Variants in ABCA13 observed in about 807,000 individuals in gnomAD.
ABCA13 encodes ATP-binding cassette sub-family A member 13.
A neutral mutation model predicts 478.7 loss-of-function variants in ABCA13; 476 were observed. That is an observed-to-expected ratio of 0.99 (90% CI 0.92 to 1.07). The LOEUF (loss-of-function observed/expected upper bound fraction) is 1.07, where lower values mean the gene tolerates loss of function less well. ABCA13 is among the 50% of genes least tolerant of loss of function. The pLI is 0.00. For synonymous variants in ABCA13, 2,252 were observed against 2,158.9 expected (o/e 1.04, Z -1.20); for missense variants, 6,060 against 5,910.6 (o/e 1.03, Z -0.83).
chr7:48,234,277 AC>A (rs2129000200), intron 8 of ABCA13, 126 bp downstream of exon 8: 1 of 1,282,356 alleles, frequency 7.8e-7, no homozygotes, highest in East Asian at 2.3e-5. Context: ...TTCGGTCAAA[AC>A]CCGAGCTCCT....
intron 15 of ABCA13, among the ~76,000 whole-genome samples, chr7:48,257,303 G>C (rs752943697): frequency 3.9e-5 from 6 of 152,048 alleles, no homozygotes; most frequent in Non-Finnish European, 7.4e-5. Context: ...TCTTTCTCTT[G>C]CCTGATTGCT....
At chr7:48,523,848 G>A (rs1198141409) in intron 53 of ABCA13, among the ~76,000 whole-genome samples, 2 of 152,052 alleles carry the variant, frequency 1.3e-5, no homozygotes, top group Non-Finnish European at 2.9e-5. Context: ...CAATGTTTCA[G>A]TACTTTTATA....
rs1186933160 is a variant in ABCA13 at position 48,388,080 on chromosome 7, A to AT, written c.11473+124dup. ...TGTGCTGATTCCTAGAGAGACTTAC[A>AT]TTTAGGCTGTCTTGGGCTGGGAAAC... On this transcript the variant is annotated intron_variant, in intron 36 of 61. Coordinates refer to ENST00000435803, the MANE Select transcript of ABCA13 (RefSeq NM_152701.5). 51 of 1,060,322 alleles carry AT rather than the reference A, an allele frequency of 4.8e-5. 1 individual carries two copies. The Middle Eastern group carries it at 9.6e-4, about 20-fold the overall frequency. The allele number at this position is 1,060,322 out of a possible 1,614,324, so 65.7% of individuals were successfully genotyped here.
intron 48 of ABCA13, among the ~76,000 whole-genome samples, chr7:48,503,553 C>T (rs1316081220): frequency 6.6e-6 from 1 of 152,142 alleles, no homozygotes; most frequent in Non-Finnish European, 1.5e-5. Flanking sequence ...CTTTCTTTGC[C>T]TGACTTATTT....
chr7:48,604,812 A>C (rs1791299671), intron 58 of ABCA13, among the ~76,000 whole-genome samples: 1 of 152,148 alleles, frequency 6.6e-6, no homozygotes, highest in Admixed American at 6.5e-5. Context: ...GATCTGTCTA[A>C]TATTGACAGT....
At chr7:48,561,611 A>G (rs1786464320) in intron 55 of ABCA13, among the ~76,000 whole-genome samples, 1 of 152,094 alleles carries the variant, frequency 6.6e-6, no homozygotes, top group Non-Finnish European at 1.5e-5. Flanking sequence ...GTTTGTTTGA[A>G]TTTCTTATAT....
chr7:48,173,354 A>G (rs1794411466), intron 1 of ABCA13, among the ~76,000 whole-genome samples: 1 of 152,228 alleles, frequency 6.6e-6, no homozygotes. Flanking sequence ...TCATCAATGT[A>G]TTCTCCAGCA....
intron 59 of ABCA13, among the ~76,000 whole-genome samples, chr7:48,624,532 C>CGTTGTTGTT (rs56071738): frequency 0.75 from 112,507 of 150,254 alleles, 43,210 homozygotes; most frequent in African/African-American, 0.93. Flanking sequence ...ATTTTGTTGT[C>CGTTGTTGTT]GTTGTTGTTG....
At chr7:48,392,335 G>T (rs1473465680) in intron 38 of ABCA13, among the ~76,000 whole-genome samples, 196 bp downstream of exon 38, 1 of 152,210 alleles carries the variant, frequency 6.6e-6, no homozygotes, top group African/African-American at 2.4e-5. Context: ...CTGTGGGAAG[G>T]CATTGAATTT....
chr7:48,525,570 G>C (rs1832831070), intron 54 of ABCA13, among the ~76,000 whole-genome samples: 1 of 151,704 alleles, frequency 6.6e-6, no homozygotes, highest in Admixed American at 6.6e-5. Context: ...ACCAAGTACG[G>C]ACAGCCATGT....
Position 48,345,220 on chromosome 7 carries a change from G to A in ABCA13, c.10205-5423G>A, listed in dbSNP as rs139059812. The stretch of plus-strand genomic sequence containing the variant: ...TAGCACACACAATTATGTACAGCAC[G>A]TAATACTTGATCATCGTAATAAACT... On this transcript the variant is annotated intron_variant, in intron 29 of 61. Coordinates refer to ENST00000435803, the MANE Select transcript of ABCA13 (RefSeq NM_152701.5). Among the ~76,000 whole-genome samples, 242 of 152,304 alleles carry A rather than the reference G, an allele frequency of 1.6e-3. 1 individual carries two copies. Among genetic ancestry groups the A allele is most frequent in the African/African-American group, 5.5e-3 (229 of 41,560 alleles).
chr7:48,463,822 TGAACG>T (rs1248088539), intron 43 of ABCA13, among the ~76,000 whole-genome samples: 3 of 149,122 alleles, frequency 2.0e-5, no homozygotes, highest in Non-Finnish European at 3.0e-5. Flanking sequence ...GGAATGGAAC[TGAACG>T]GAACGGAACG....
intron 55 of ABCA13, among the ~76,000 whole-genome samples, chr7:48,547,603 C>G (rs1784934102): frequency 1.3e-5 from 2 of 151,858 alleles, no homozygotes; most frequent in Admixed American, 1.3e-4. Flanking sequence ...ACTGAAGATG[C>G]TCACTCCTCT....
At chr7:48,614,717 G>A (rs1398306049) in intron 58 of ABCA13, among the ~76,000 whole-genome samples, 1 of 150,390 alleles carries the variant, frequency 6.6e-6, no homozygotes, top group Non-Finnish European at 1.5e-5. Context: ...AAAAAATGAT[G>A]AGTTCATGTC....
intron 19 of ABCA13, among the ~76,000 whole-genome samples, chr7:48,284,761 A>G (rs1323720795): frequency 3.3e-5 from 5 of 152,216 alleles, no homozygotes; most frequent in Non-Finnish European, 5.9e-5. Flanking sequence ...CTCAAGCATA[A>G]CTAACATTTA....
chr7:48,413,265 T>C (rs1258097112), intron 41 of ABCA13, among the ~76,000 whole-genome samples: 1 of 152,204 alleles, frequency 6.6e-6, no homozygotes, highest in Non-Finnish European at 1.5e-5. Context: ...TCTGGCCCCA[T>C]GCTGGGTATC....
intron 32 of ABCA13, among the ~76,000 whole-genome samples, chr7:48,369,388 GT>G (rs1251868148): frequency 2.0e-5 from 3 of 152,112 alleles, no homozygotes; most frequent in Admixed American, 1.3e-4. Flanking sequence ...AAGCCATTTA[GT>G]TTAATTAAGT....
intron 20 of ABCA13, among the ~76,000 whole-genome samples, chr7:48,291,760 G>A (rs1393270675): frequency 2.0e-5 from 3 of 152,102 alleles, no homozygotes; most frequent in African/African-American, 7.2e-5. Flanking sequence ...GGCCTGGTGC[G>A]GCTAACATAG....
At chr7:48,576,372 C>G in intron 55 of ABCA13, among the ~76,000 whole-genome samples, 1 of 152,114 alleles carries the variant, frequency 6.6e-6, no homozygotes, top group African/African-American at 2.4e-5. Flanking sequence ...GGGGGCTCCT[C>G]ACTGATGAGT....
Sources: gnomAD v4.1 joint callset for allele counts (sites outside exome capture counted in the v4.1 genomes callset) on GRCh38, gnomAD v4.1.1 for gene constraint, MANE v1.5 for transcripts, NCBI Gene and HGNC (gene_info 2026-07-23, HGNC 2026-07-21) for gene names.